DLGAP2: variants seen among roughly 807,000 people sequenced by gnomAD.
DLGAP2 encodes DLG associated protein 2.
DLGAP2 carries 26 observed loss-of-function variants against 100.3 expected under a neutral mutation model. The observed-to-expected ratio is 0.26, with a 90% CI of 0.19 to 0.36. The LOEUF is 0.36. Ranked by LOEUF, DLGAP2 falls within the 10% of genes least tolerant of loss-of-function variation. The pLI is 1.00. For missense variants in DLGAP2, 1,858 were observed against 1,453.2 expected, an observed-to-expected ratio of 1.28 and a Z score of -4.53; for synonymous variants, 886 against 630.1, an observed-to-expected ratio of 1.41 and a Z score of -6.08.
At chr8:1,212,816 T>C (rs1798133915) in intron 2 of DLGAP2, among the ~76,000 whole-genome samples, 1 of 132,892 alleles carries the variant, frequency 7.5e-6, no homozygotes, top group South Asian at 2.4e-4. Flanking sequence ...GTTCTTAAAT[T>C]CATGTTTCTG....
intron 3 of DLGAP2, among the ~76,000 whole-genome samples, chr8:1,281,826 C>T (rs1271310954): frequency 6.6e-6 from 1 of 152,194 alleles, no homozygotes; most frequent in Non-Finnish European, 1.5e-5. Flanking sequence ...TGATCTGCAA[C>T]GTTTGATTTG....
intron 2 of DLGAP2, among the ~76,000 whole-genome samples, chr8:1,227,214 T>C (rs1392260550): frequency 7.8e-6 from 1 of 127,428 alleles, no homozygotes; most frequent in African/African-American, 4.0e-5. Context: ...AAGAGTGTTA[T>C]ATATATATTT....
intron 3 of DLGAP2, among the ~76,000 whole-genome samples, chr8:1,386,418 G>T (rs1298163721): frequency 1.3e-5 from 2 of 152,204 alleles, no homozygotes; most frequent in Non-Finnish European, 2.9e-5. Context: ...AGAAAAGACA[G>T]ATCGAGAAAC....
chr8:1,341,392 T>C (rs1240124274), intron 3 of DLGAP2, among the ~76,000 whole-genome samples: 2 of 152,248 alleles, frequency 1.3e-5, no homozygotes, highest in East Asian at 3.8e-4. Flanking sequence ...TATTAGATCT[T>C]ACCCAGAAAT....
intron 3 of DLGAP2, chr8:1,301,078 T>A (rs1349543426): frequency 6.6e-6 from 1 of 152,402 alleles, no homozygotes; most frequent in Non-Finnish European, 1.5e-5. Flanking sequence ...AACAGAACTG[T>A]CTGCCCCCCG....
chr8:760,306 A>G (rs1821048832), intron 1 of DLGAP2, among the ~76,000 whole-genome samples: 1 of 152,112 alleles, frequency 6.6e-6, no homozygotes, highest in African/African-American at 2.4e-5. Flanking sequence ...GACCTTCAGA[A>G]TCAACTTCTC....
At chr8:1,700,909 G>A (rs1445387066) in intron 14 of DLGAP2, among the ~76,000 whole-genome samples, 2 of 152,242 alleles carry the variant, frequency 1.3e-5, no homozygotes, top group East Asian at 1.9e-4. Context: ...CGCAAGGTGC[G>A]AATCTGCAGA....
intron 1 of DLGAP2, among the ~76,000 whole-genome samples, chr8:777,538 C>G (rs1220590296): frequency 1.3e-5 from 2 of 151,750 alleles, no homozygotes; most frequent in Non-Finnish European, 2.9e-5. Context: ...TCTTTTAGGG[C>G]AGGCCTGGTG....
chr8:1,067,048 G>C (rs764270813), intron 2 of DLGAP2, among the ~76,000 whole-genome samples: 1 of 152,134 alleles, frequency 6.6e-6, no homozygotes, highest in Non-Finnish European at 1.5e-5. Context: ...GAGAGGGGTT[G>C]GTCTCCTTCC....
chr8:949,006 C>T (rs533626058), intron 2 of DLGAP2, among the ~76,000 whole-genome samples: 1 of 150,300 alleles, frequency 6.7e-6, no homozygotes, highest in Admixed American at 6.6e-5. Context: ...GGAGCAGGAC[C>T]TGTCGGGGTG....
intron 10 of DLGAP2, among the ~76,000 whole-genome samples, chr8:1,674,764 G>T (rs976920846): frequency 6.6e-6 from 1 of 152,080 alleles, no homozygotes; most frequent in East Asian, 1.9e-4. Context: ...TATAATGGCA[G>T]AAAACTAGAA....
chr8:1,321,565 C>G (rs1481639848), intron 3 of DLGAP2, among the ~76,000 whole-genome samples: 1 of 152,218 alleles, frequency 6.6e-6, no homozygotes, highest in African/African-American at 2.4e-5. Context: ...AGCTGACTTT[C>G]CTCCACAGCT....
chr8:823,174 A>G (rs889715486), intron 1 of DLGAP2, among the ~76,000 whole-genome samples: 1 of 151,836 alleles, frequency 6.6e-6, no homozygotes, highest in Non-Finnish European at 1.5e-5. Flanking sequence ...TTCTCTACCC[A>G]CTTGGTGGCC....
At chr8:1,347,969 C>T (rs1801606171) in intron 3 of DLGAP2, among the ~76,000 whole-genome samples, 1 of 151,298 alleles carries the variant, frequency 6.6e-6, no homozygotes, top group African/African-American at 2.4e-5. Context: ...ACATTGCACT[C>T]ATGGTAGCTG....
intron 5 of DLGAP2, among the ~76,000 whole-genome samples, chr8:1,556,522 G>A (rs912355178): frequency 2.6e-5 from 4 of 152,218 alleles, no homozygotes; most frequent in Non-Finnish European, 5.9e-5. Context: ...TTCCCGCTGA[G>A]TCTGTGTCTC....
intron 2 of DLGAP2, among the ~76,000 whole-genome samples, chr8:1,105,962 A>G (rs1374782869): frequency 6.9e-6 from 1 of 145,216 alleles, no homozygotes; most frequent in Admixed American, 6.9e-5. Context: ...GAACCATTCT[A>G]GGAGGGTTTT....
At chr8:1,174,302 GTCATTACCATTACCAAAATCATTATCA>G (rs1797203536) in intron 2 of DLGAP2, among the ~76,000 whole-genome samples, 1 of 144,468 alleles carries the variant, frequency 6.9e-6, no homozygotes, top group East Asian at 2.2e-4. Flanking sequence ...CATCACCACC[GTCATTACCATTACCAAAATCATTATCA>G]TCATTACCAT....
chr8:1,563,421 G>A (rs1584931167), intron 5 of DLGAP2, among the ~76,000 whole-genome samples: 2 of 76,096 alleles, frequency 2.6e-5, no homozygotes, highest in Non-Finnish European at 5.2e-5. Flanking sequence ...GCTGTGTGGT[G>A]TTGGGGTGTC....
At chr8:1,368,897 G>C (rs1257817536) in intron 3 of DLGAP2, 1 of 152,182 alleles carries the variant, frequency 6.6e-6, no homozygotes, top group African/African-American at 2.4e-5. Context: ...ATGGCTCTAA[G>C]TGGCGTCTTC....
Sources: gnomAD v4.1 joint callset for allele counts (sites outside exome capture counted in the v4.1 genomes callset) on GRCh38, gnomAD v4.1.1 for gene constraint, MANE v1.5 for transcripts, NCBI Gene and HGNC (gene_info 2026-07-23, HGNC 2026-07-21) for gene names.